Variants in PPP1R1C observed in about 807,000 individuals in gnomAD.
The protein encoded by PPP1R1C is protein phosphatase 1 regulatory inhibitor subunit 1C.
A neutral mutation model predicts 17.4 loss-of-function variants in PPP1R1C; 15 were observed. The observed-to-expected ratio is 0.86, with a 90% CI of 0.58 to 1.33. The LOEUF (loss-of-function observed/expected upper bound fraction) is 1.33, where lower values mean the gene tolerates loss of function less well. Among genes scored for constraint, PPP1R1C ranks in the 40% most tolerant of loss-of-function variants. PPP1R1C has a pLI of 0.00. For synonymous variants in PPP1R1C, 35 were observed against 43.1 expected, an observed-to-expected ratio of 0.81 and a Z score of 0.73; for missense variants, 143 against 130.0, an observed-to-expected ratio of 1.10 and a Z score of -0.48.
At chr2:182,002,006 A>G (rs1249325872) in intron 2 of PPP1R1C, among the ~76,000 whole-genome samples, 1 of 152,150 alleles carries the variant, frequency 6.6e-6, no homozygotes, top group African/African-American at 2.4e-5. Context: ...AGATAAGATT[A>G]TGTTCCATGT....
chr2:182,113,351 A>G (rs1036660065), intron 4 of PPP1R1C, among the ~76,000 whole-genome samples: 3 of 152,168 alleles, frequency 2.0e-5, no homozygotes, highest in African/African-American at 7.2e-5. Flanking sequence ...ATTGTCCTCT[A>G]TTAATTTCCT....
Position 182,000,010 on chromosome 2 carries a change from C to T in PPP1R1C, c.142+12111C>T, listed in dbSNP as rs187698440. Among the ~76,000 whole-genome samples, 126 of 152,228 alleles carry T rather than the reference C, an allele frequency of 8.3e-4. 1 individual carries two copies. The South Asian group carries it at 0.012, about 15-fold the overall frequency. On this transcript the variant is annotated intron_variant, in intron 2 of 4. Transcript: ENST00000682840. ...GTGCACATACAGTCATCTTCCCTTC[C>T]CTTCCATTTTAGTTCTTCTTGTCCT...
chr2:182,115,900 TAG>T (rs962091051), intron 4 of PPP1R1C, among the ~76,000 whole-genome samples: 2 of 152,162 alleles, frequency 1.3e-5, no homozygotes, highest in East Asian at 3.9e-4. Context: ...CAATTCTTAC[TAG>T]AGTGTTTTTT....
intron 5 of PPP1R1C, among the ~76,000 whole-genome samples, chr2:182,124,988 G>A (rs547954882): frequency 8.3e-4 from 127 of 152,252 alleles, no homozygotes; most frequent in Non-Finnish European, 1.6e-3. Context: ...AGTTTTCAAA[G>A]GGAATGGTAG....
intron 4 of PPP1R1C, among the ~76,000 whole-genome samples, chr2:182,073,657 C>T (rs1039100394): frequency 7.2e-5 from 11 of 152,158 alleles, no homozygotes; most frequent in African/African-American, 2.7e-4. Flanking sequence ...CTGGCACTTC[C>T]TGTCACAGCT....
chr2:182,116,751 A>G (rs1411581557), intron 4 of PPP1R1C, among the ~76,000 whole-genome samples: 1 of 152,206 alleles, frequency 6.6e-6, no homozygotes, highest in Non-Finnish European at 1.5e-5. Flanking sequence ...TTAGGTTCTG[A>G]AAGAAGATTC....
chr2:182,082,191 A>G (rs958296837), intron 4 of PPP1R1C, among the ~76,000 whole-genome samples: 1 of 152,182 alleles, frequency 6.6e-6, no homozygotes, highest in African/African-American at 2.4e-5. Flanking sequence ...CACTTCACCC[A>G]TGCAAAGAAT....
At chr2:181,970,267 C>A (rs909482271) in intron 1 of PPP1R1C, among the ~76,000 whole-genome samples, 9 of 152,030 alleles carry the variant, frequency 5.9e-5, no homozygotes, top group Non-Finnish European at 1.3e-4. Flanking sequence ...TTGTACCCAT[C>A]CTTCTTGAGA....
intron 2 of PPP1R1C, among the ~76,000 whole-genome samples, chr2:182,042,322 A>G (rs570818839): frequency 7.0e-4 from 107 of 152,344 alleles, no homozygotes; most frequent in African/African-American, 2.5e-3. Context: ...GAATGCAGAG[A>G]CTAGAAAAGG....
chr2:182,098,643 C>T (rs1162152470), intron 4 of PPP1R1C, among the ~76,000 whole-genome samples: 4 of 151,986 alleles, frequency 2.6e-5, no homozygotes, highest in African/African-American at 9.7e-5. Context: ...GAAAAAAAAT[C>T]AGAATTAAGA....
At chr2:182,066,966 GTT>G (rs558576219) in intron 4 of PPP1R1C, among the ~76,000 whole-genome samples, 91,917 of 145,402 alleles carry the variant, frequency 0.63, 29,559 homozygotes, top group Non-Finnish European at 0.73. Context: ...GTGTGTGTGT[GTT>G]TGTGTGTGTG....
At chr2:182,078,210 TG>T (rs1688372133) in intron 4 of PPP1R1C, among the ~76,000 whole-genome samples, 1 of 152,102 alleles carries the variant, frequency 6.6e-6, no homozygotes, top group Non-Finnish European at 1.5e-5. Flanking sequence ...TGGTATGAAA[TG>T]GGGTTAAACT....
At chr2:182,093,962 T>G (rs568210183) in intron 4 of PPP1R1C, among the ~76,000 whole-genome samples, 1 of 152,216 alleles carries the variant, frequency 6.6e-6, no homozygotes, top group East Asian at 1.9e-4. Flanking sequence ...TTCCACATTT[T>G]CTGGTATCTG....
At chr2:182,126,129 A>G (rs1272591375) in intron 5 of PPP1R1C, among the ~76,000 whole-genome samples, 1 of 152,098 alleles carries the variant, frequency 6.6e-6, no homozygotes, top group Non-Finnish European at 1.5e-5. Flanking sequence ...TGTAATATAG[A>G]TTTATGCATT....
intron 2 of PPP1R1C, among the ~76,000 whole-genome samples, chr2:182,057,979 C>A (rs184894924): frequency 6.6e-6 from 1 of 152,154 alleles, no homozygotes; most frequent in Non-Finnish European, 1.5e-5. Flanking sequence ...GAACGAAGGG[C>A]ACATTGAGTC....
intron 2 of PPP1R1C, among the ~76,000 whole-genome samples, chr2:182,041,938 G>C (rs1687196182): frequency 6.6e-6 from 1 of 151,978 alleles, no homozygotes; most frequent in South Asian, 2.1e-4. Context: ...CTAATATGTG[G>C]TTATTTCGTA....
At chr2:182,067,129 A>G (rs1688008163) in intron 4 of PPP1R1C, among the ~76,000 whole-genome samples, 2 of 152,272 alleles carry the variant, frequency 1.3e-5, no homozygotes, top group South Asian at 4.1e-4. Flanking sequence ...GTATTGCATT[A>G]CCATTCTTAA....
chr2:182,035,965 A>C (rs1353201205), intron 2 of PPP1R1C, among the ~76,000 whole-genome samples: 1 of 151,634 alleles, frequency 6.6e-6, no homozygotes, highest in South Asian at 2.1e-4. Context: ...TGTATGCTAT[A>C]CTCCCTCATT....
At chr2:182,061,811 G>T (rs1687858717) in intron 3 of PPP1R1C, among the ~76,000 whole-genome samples, 1 of 152,092 alleles carries the variant, frequency 6.6e-6, no homozygotes, top group Non-Finnish European at 1.5e-5. Context: ...CCAGAGCAAG[G>T]AGATGGGGTT....
Sources: allele counts gnomAD v4.1 joint callset (sites outside exome capture counted in the v4.1 genomes callset), GRCh38; gene constraint gnomAD v4.1.1; transcripts MANE v1.5; gene names NCBI Gene and HGNC (gene_info 2026-07-23, HGNC 2026-07-21).